The following DHX32 variants were observed in gnomAD, a reference collection of about 807,000 sequenced individuals.
The protein encoded by DHX32 is putative pre-mRNA-splicing factor ATP-dependent RNA helicase DHX32.
In DHX32, 51 loss-of-function variants were observed where a neutral mutation model predicts 70.0. The observed-to-expected ratio is 0.73, with a 90% confidence interval of 0.58 to 0.92. The LOEUF (loss-of-function observed/expected upper bound fraction) is 0.92. DHX32 is among the 40% of genes least tolerant of loss of function. The pLI is 0.00. For missense variants in DHX32, 762 were observed against 891.8 expected (o/e 0.85, Z 1.85); for synonymous variants, 310 against 315.3 (o/e 0.98, Z 0.18).
intron 2 of DHX32, among the ~76,000 whole-genome samples, chr10:125,860,750 CCA>C (rs1944181679): frequency 8.1e-6 from 1 of 123,102 alleles, no homozygotes; most frequent in African/African-American, 2.8e-5. Context: ...GAAACCAATC[CCA>C]TTTTTTTTTT....
intron 7 of DHX32, chr10:125,841,308 A>G (rs1854873316): frequency 6.2e-7 from 1 of 1,614,158 alleles, no homozygotes; most frequent in Non-Finnish European, 8.5e-7. Context: ...GAGGATTGGA[A>G]CCAGTTCCGA....
At chr10:125,883,228 C>T (rs568642273), upstream of DHX32, among the ~76,000 whole-genome samples, 88 of 152,306 alleles carry the variant, frequency 5.8e-4, no homozygotes, top group Middle Eastern at 3.4e-3. Flanking sequence ...TGTATCCACA[C>T]ACATTAGCCT....
At chr10:125,891,572 A>G (rs1944371390) in intron 1 of DHX32, among the ~76,000 whole-genome samples, 1 of 152,228 alleles carries the variant, frequency 6.6e-6, no homozygotes, top group African/African-American at 2.4e-5. Context: ...TATCTAAAAA[A>G]TTTGTTTAAA....
rs142790566 is a variant in DHX32 at position 125,875,486 on chromosome 10, T to C, written c.282+5057A>G. Among the ~76,000 whole-genome samples, 63 of 152,276 alleles carry C rather than the reference T, an allele frequency of 4.1e-4. No homozygotes were observed. The East Asian group carries it at 5.8e-3, about 14-fold the overall frequency. On this transcript the variant is annotated intron_variant, in intron 1 of 10. Transcript: ENST00000284690. ...ACAACAAAGTAAGTAGGCTTAGTAA[T>C]ACATTATAACCCATAGAATAAAATA...
intron 1 of DHX32, 46 bp downstream of exon 1, chr10:125,880,497 A>G: frequency 5.2e-6 from 8 of 1,525,998 alleles, no homozygotes; most frequent in Non-Finnish European, 7.0e-6. Context: ...ATAACAATTA[A>G]AAAATCAACA....
intron 1 of DHX32, among the ~76,000 whole-genome samples, chr10:125,887,733 C>T (rs1207119666): frequency 3.9e-5 from 6 of 151,914 alleles, no homozygotes; most frequent in Non-Finnish European, 2.9e-5. Context: ...CTTAGCTTTC[C>T]GAGTAGCTAG....
intron 1 of DHX32, among the ~76,000 whole-genome samples, chr10:125,877,846 T>A (rs1321126251): frequency 6.6e-6 from 1 of 152,220 alleles, no homozygotes; most frequent in African/African-American, 2.4e-5. Flanking sequence ...AGTTTATTCA[T>A]CTGAAAAATG....
At position 125,880,413 on chromosome 10, in the gene DHX32, A is replaced by C. The variant is rs1944310034; in HGVS notation, c.282+130T>G. On this transcript the variant is annotated intron_variant, in intron 1 of 10. Transcript: ENST00000284690. ...ATAAAATTAGGTACGTGATTTAATT[A>C]TTTTATCTGAATAATGTTTTGTTTT... 1.0e-5 allele frequency: 10 copies of C among 971,492 alleles called. 1 individual carries two copies. Among genetic ancestry groups the C allele is most frequent in the East Asian group, 2.8e-5 (1 of 36,200 alleles). 60.2% of individuals were successfully genotyped at this position (971,492 alleles called of 1,614,324 possible). A position where few individuals can be genotyped will look rare whatever the true frequency, so the allele number is the denominator to read the frequency against.
At chr10:125,879,644 C>T (rs1944305639) in intron 1 of DHX32, among the ~76,000 whole-genome samples, 1 of 152,098 alleles carries the variant, frequency 6.6e-6, no homozygotes, top group Non-Finnish European at 1.5e-5. Flanking sequence ...AAACAAACTC[C>T]TTGTTTTTTT....
At chr10:125,861,483 C>A (rs1047883256) in intron 2 of DHX32, among the ~76,000 whole-genome samples, 1 of 152,210 alleles carries the variant, frequency 6.6e-6, no homozygotes, top group African/African-American at 2.4e-5. Flanking sequence ...GGCGACAGAG[C>A]GAGACTCCCC....
chr10:125,844,856 G>A (rs1311912198), intron 6 of DHX32, among the ~76,000 whole-genome samples: 2 of 152,182 alleles, frequency 1.3e-5, no homozygotes, highest in African/African-American at 2.4e-5. Context: ...GCTTGCCAGC[G>A]GCAGCTGTAC....
At chr10:125,838,484 G>A (rs763306705) in intron 9 of DHX32, 97 bp from the exon 10 acceptor site, 7 of 1,168,034 alleles carry the variant, frequency 6.0e-6, no homozygotes, top group East Asian at 5.2e-5. Context: ...TATTTTATAC[G>A]GGATAGTTAA....
chr10:125,867,462 T>G (rs549835232), intron 1 of DHX32, among the ~76,000 whole-genome samples: 1 of 151,784 alleles, frequency 6.6e-6, no homozygotes, highest in Non-Finnish European at 1.5e-5. Context: ...ACAGGCCGGG[T>G]GTGGTGGCTC....
intron 1 of DHX32, chr10:125,896,168 G>T (rs1255397481): frequency 5.7e-4 from 88 of 153,650 alleles, no homozygotes; most frequent in Non-Finnish European, 1.0e-3. Context: ...GGGCGCGCCC[G>T]CCCCTGCGCC....
chr10:125,846,103 G>C (rs1266422622), intron 6 of DHX32, among the ~76,000 whole-genome samples: 1 of 152,196 alleles, frequency 6.6e-6, no homozygotes, highest in Non-Finnish European at 1.5e-5. Flanking sequence ...GAGGGCACCT[G>C]TCTAGTCAGT....
rs1460873803 is a variant in DHX32 at position 125,879,949 on chromosome 10, C to G, written c.282+594G>C. Among the ~76,000 whole-genome samples the G allele has an allele frequency of 3.5e-4, 53 of 152,194 alleles. 1 individual carries two copies. The highest frequency in any genetic ancestry group is 3.5e-3 in the Admixed American group (53 of 15,274). ...GTGAGCCACTGTGCCTGCTCCAACTCTTTAATATTTTAATATCCCTAGGTT... is the reference window on the plus strand; with the variant it reads ...GTGAGCCACTGTGCCTGCTCCAACTGTTTAATATTTTAATATCCCTAGGTT... On this transcript the variant is annotated intron_variant, in intron 1 of 10. Transcript: ENST00000284690.
At chr10:125,854,531 T>C (rs1189634363) in intron 3 of DHX32, 5 of 186,368 alleles carry the variant, frequency 2.7e-5, no homozygotes, top group Non-Finnish European at 5.5e-5. Flanking sequence ...CTTATGTCTC[T>C]TTCCTTTCCA....
intron 1 of DHX32, among the ~76,000 whole-genome samples, chr10:125,872,450 G>A (rs1256910485): frequency 6.6e-6 from 1 of 152,100 alleles, no homozygotes; most frequent in Non-Finnish European, 1.5e-5. Context: ...TGAGTACTTA[G>A]CAAAAGTTGC....
intron 1 of DHX32, among the ~76,000 whole-genome samples, chr10:125,871,518 G>A (rs1417979745): frequency 6.6e-6 from 1 of 152,214 alleles, no homozygotes; most frequent in Non-Finnish European, 1.5e-5. Context: ...CTTGGAGATA[G>A]TTAACAGTAA....
Sources: gnomAD v4.1 joint callset for allele counts (sites outside exome capture counted in the v4.1 genomes callset) on GRCh38, gnomAD v4.1.1 for gene constraint, MANE v1.5 for transcripts, NCBI Gene and HGNC (gene_info 2026-07-23, HGNC 2026-07-21) for gene names.